Variants in PSME4 observed in about 807,000 individuals in gnomAD.
PSME4 encodes the protein proteasome activator complex subunit 4.
A neutral mutation model predicts 253.9 loss-of-function variants in PSME4; 89 were observed. That is an observed-to-expected ratio of 0.35 (90% CI 0.30 to 0.42). The LOEUF is 0.42. Among genes scored for constraint, PSME4 ranks in the 10% least tolerant of loss-of-function variants. The probability of loss-of-function intolerance (pLI) is 1.00; values close to 1 mark genes in which losing one functional copy is unlikely to be tolerated. For missense variants in PSME4, 2,014 were observed against 2,195.2 expected (o/e 0.92, Z 1.65); for synonymous variants, 851 against 759.2 (o/e 1.12, Z -1.99).
intron 17 of PSME4, 115 bp from the exon 18 acceptor site, chr2:53,921,219 T>C: frequency 2.1e-6 from 3 of 1,463,170 alleles, no homozygotes; most frequent in Non-Finnish European, 1.8e-6. Context: ...ATGACTTTAA[T>C]TAATTTTAGG....
At chr2:53,920,533 T>C (rs1449553097) in intron 18 of PSME4, among the ~76,000 whole-genome samples, 183 bp from the exon 19 acceptor site, 1 of 152,142 alleles carries the variant, frequency 6.6e-6, no homozygotes, top group Non-Finnish European at 1.5e-5. Flanking sequence ...TCGTTATCAC[T>C]CCTGAAAAAA....
At chr2:53,941,051 C>T (rs968158785) in intron 3 of PSME4, among the ~76,000 whole-genome samples, 3 of 125,704 alleles carry the variant, frequency 2.4e-5, no homozygotes, top group Non-Finnish European at 3.3e-5. Flanking sequence ...TCTTATTAAG[C>T]TTTTTGAAAT....
rs560550152 is a variant in PSME4 at position 53,927,487 on chromosome 2, T to C, written c.1504-4A>G. 272 of 1,559,140 alleles carry C rather than the reference T, an allele frequency of 1.7e-4. 5 individuals are homozygous for C. The South Asian group carries it at 2.8e-3, about 16-fold the overall frequency. On this transcript the variant is annotated splice_polypyrimidine_tract_variant and splice_region_variant and intron_variant, in intron 11 of 46. Coordinates refer to ENST00000404125, the MANE Select transcript of PSME4 (RefSeq NM_014614.3). ...TTGCTATGAACTGGAATGTGATCTGTGGAAACATACAAAGGATTTTCAACA... is the reference window on the plus strand; with the variant it reads ...TTGCTATGAACTGGAATGTGATCTGCGGAAACATACAAAGGATTTTCAACA...
intron 5 of PSME4, 115 bp from the exon 6 acceptor site, chr2:53,936,942 A>G (rs1669153046): frequency 1.5e-6 from 1 of 673,792 alleles, no homozygotes; most frequent in Non-Finnish European, 2.5e-6. Flanking sequence ...GTTAACTAGA[A>G]AAAACAATAC....
At chr2:53,908,985 A>G in intron 21 of PSME4, 145 bp from the exon 22 acceptor site, 1 of 561,424 alleles carries the variant, frequency 1.8e-6, no homozygotes, top group Middle Eastern at 2.8e-4. Flanking sequence ...ATTAATGGCT[A>G]GGCATGCTAC....
At chr2:53,969,079 G>A (rs1431071141) in intron 1 of PSME4, among the ~76,000 whole-genome samples, 1 of 152,184 alleles carries the variant, frequency 6.6e-6, no homozygotes, top group Non-Finnish European at 1.5e-5. Flanking sequence ...TTTTTACTGT[G>A]CCTGAGCAAC....
chr2:53,887,873 C>G lies in PSME4; in HGVS notation c.4505G>C (p.Arg1502Thr). 1 of 1,599,514 alleles carries G rather than the reference C, an allele frequency of 6.3e-7. No individual in the cohort carries two copies. Among genetic ancestry groups the G allele is most frequent in the Non-Finnish European group, 8.6e-7 (1 of 1,167,032 alleles). The change falls in exon 39 of 47, where the codon AGA becomes ACA. Residue 1502 changes from arginine to threonine, a missense_variant. Arg to Thr is a moderately conservative substitution (Grantham distance 71, BLOSUM62 -1). Around this residue, in one of 4 missense-constraint regions of PSME4, gnomAD observed 403 missense variants for 556.1 expected, o/e 0.72. Coordinates refer to ENST00000404125, the MANE Select transcript of PSME4 (RefSeq NM_014614.3). ...PKLTQVYKNV[R>T]ERIGSVLTYI... ...CAGTACCTACCTTCCTATTCTTTCTCTGACATTTTTGTAAACCTGGGTGAG... is the reference window on the plus strand; with the variant it reads ...CAGTACCTACCTTCCTATTCTTTCTGTGACATTTTTGTAAACCTGGGTGAG...
At position 53,925,671 on chromosome 2, in the gene PSME4, T is replaced by G; in HGVS notation, c.1677A>C (p.Glu559Asp). 6.2e-7 allele frequency: 1 copy of G among 1,606,742 alleles called. No individual in the cohort carries two copies. The highest frequency in any genetic ancestry group is 8.5e-7 in the Non-Finnish European group (1 of 1,173,966). Reference sequence around the variant, plus strand: ...CTCTTGTTTGCTCCAATGTGCTACTTTCTATAAGTCCAAAACATCTAAATA... The same window carrying G: ...CTCTTGTTTGCTCCAATGTGCTACTGTCTATAAGTCCAAAACATCTAAATA... The part of the protein sequence containing the change: ...QFMDRCFGLI[E>D]SSTLEQTREE... Residue 559 changes from glutamate (E) to aspartate (D), a missense_variant, in exon 14 of 47, where the codon GAA becomes GAC. Transcript: ENST00000404125.
In PSME4 at chr2:53,936,796, C is replaced by T. The variant is rs1669142406; in HGVS notation, c.727G>A (p.Val243Ile). The change falls in exon 6 of 47, where the codon GTT becomes ATT. Residue 243 changes from valine (V) to isoleucine (I), a missense_variant. Val to Ile is a conservative substitution (Grantham distance 29, BLOSUM62 3). Around this residue, in one of 4 missense-constraint regions of PSME4, gnomAD observed 615 missense variants for 594.4 expected, o/e 1.03. Transcript: ENST00000404125. ...LWFDELIGLWVSVQNLPQWEG... is the reference protein window; with the variant it reads ...LWFDELIGLWISVQNLPQWEG... ...CATTGTGGGAGATTTTGCACTGAAA[C>T]CCAAAGGCCAATTAATTCATCAAAC... is the stretch of plus-strand genomic sequence containing the variant. 2 of 1,594,566 alleles carry T rather than the reference C, an allele frequency of 1.3e-6. No individual in the cohort carries two copies. Among genetic ancestry groups the T allele is most frequent in the South Asian group, 2.3e-5 (2 of 88,322 alleles).
Position 53,931,955 on chromosome 2 carries a change from C to G in PSME4, c.1196G>C (p.Cys399Ser). The change falls in exon 10 of 47, where the codon TGC (cysteine) becomes TCC (serine). Residue 399 changes from cysteine to serine, a missense_variant. By Grantham distance (112) the Cys-to-Ser change is moderately radical. Around this residue, in one of 4 missense-constraint regions of PSME4, gnomAD observed 615 missense variants for 594.4 expected, o/e 1.03. Transcript: ENST00000404125. ...AGCCAAGAGGACAGGCTGAATAATGCATTGTACAAAGTCTGTAACATCTTG... is the reference window on the plus strand; with the variant it reads ...AGCCAAGAGGACAGGCTGAATAATGGATTGTACAAAGTCTGTAACATCTTG... ...TDQDVTDFVQ[C>S]IIQPVLLAMF... The G allele has an allele frequency of 6.2e-7, 1 of 1,614,084 alleles. No individual in the cohort carries two copies. Among genetic ancestry groups the G allele is most frequent in the Non-Finnish European group, 8.5e-7 (1 of 1,179,974 alleles).
chr2:53,879,030 C>T (rs1240160363), intron 41 of PSME4, among the ~76,000 whole-genome samples: 1 of 152,112 alleles, frequency 6.6e-6, no homozygotes, highest in Non-Finnish European at 1.5e-5. Flanking sequence ...GGGATGTCTC[C>T]CCCGGACACC....
Position 53,925,613 on chromosome 2 carries a change from C to T in PSME4, c.1735G>A (p.Glu579Lys). ...GACAGACCTAATTCGACCAAACTCT[C>T]CAAGTGTGTCATTTTCTCAGTTTCT... Reference protein sequence around the residue: ...ETETEKMTHLESLVELGLSST... With the variant: ...ETETEKMTHLKSLVELGLSST... Residue 579 changes from glutamate (E) to lysine (K), a missense_variant, in exon 14 of 47, where the codon GAG (glutamate) becomes AAG (lysine). Transcript: ENST00000404125. The T allele has an allele frequency of 6.2e-7, 1 of 1,611,310 alleles. No homozygotes were observed. The highest frequency in any genetic ancestry group is 8.5e-7 in the Non-Finnish European group (1 of 1,177,684).
intron 28 of PSME4, among the ~76,000 whole-genome samples, 163 bp from the exon 29 acceptor site, chr2:53,900,180 C>T (rs1157250000): frequency 6.6e-6 from 1 of 152,078 alleles, no homozygotes; most frequent in Admixed American, 6.6e-5. Context: ...AATTTATTGA[C>T]AGAGAAAGTG....
chr2:53,963,920 G>A (rs1670602213), intron 1 of PSME4, among the ~76,000 whole-genome samples: 1 of 152,034 alleles, frequency 6.6e-6, no homozygotes, highest in African/African-American at 2.4e-5. Flanking sequence ...TGGGGAAAGG[G>A]GATGATGAAA....
At chr2:53,881,157 G>A (rs532363496) in intron 41 of PSME4, among the ~76,000 whole-genome samples, 2 of 152,226 alleles carry the variant, frequency 1.3e-5, no homozygotes, top group Admixed American at 1.3e-4. Context: ...AGAAAATGCT[G>A]TTCATTTAGT....
At position 53,915,355 on chromosome 2, in the gene PSME4, A is replaced by G. The variant is rs115194211; in HGVS notation, c.2516+3796T>C. ...ATTCGGGAGCTGAAGTGGGAGGATC[A>G]CTTGAGCCCAGGAGATGAAGGGAGC... On this transcript the variant is annotated intron_variant, in intron 20 of 46. Transcript: ENST00000404125. Among the ~76,000 whole-genome samples, 982 of 152,188 alleles carry G rather than the reference A, an allele frequency of 6.5e-3. 6 individuals carry two copies. The highest frequency in any genetic ancestry group is 0.011 in the Non-Finnish European group (770 of 67,994).
At chr2:53,950,697 C>T (rs973117636) in intron 1 of PSME4, among the ~76,000 whole-genome samples, 1 of 152,038 alleles carries the variant, frequency 6.6e-6, no homozygotes, top group East Asian at 1.9e-4. Flanking sequence ...CAAAATTAGC[C>T]AGGCGTGGTG....
intron 1 of PSME4, among the ~76,000 whole-genome samples, chr2:53,958,039 A>T (rs1670313868): frequency 6.6e-6 from 1 of 152,058 alleles, no homozygotes; most frequent in Non-Finnish European, 1.5e-5. Context: ...TACAAAAATT[A>T]GCTGGGCATG....
chr2:53,926,316 CAA>C (rs1668555070), intron 12 of PSME4, among the ~76,000 whole-genome samples: 1 of 152,154 alleles, frequency 6.6e-6, no homozygotes, highest in Admixed American at 6.5e-5. Context: ...CTGATTTTTG[CAA>C]AGTCTAGTCT....
Sources: allele counts gnomAD v4.1 joint callset (sites outside exome capture counted in the v4.1 genomes callset), GRCh38; gene constraint gnomAD v4.1.1; regional missense constraint gnomAD v4.1.1; transcripts MANE v1.5; gene names NCBI Gene and HGNC (gene_info 2026-07-23, HGNC 2026-07-21).